Variants in PFKFB2 observed in about 807,000 individuals in gnomAD.
PFKFB2 encodes the protein 6-phosphofructo-2-kinase/fructose-2,6-bisphosphatase 2.
PFKFB2 carries 53 observed loss-of-function variants against 68.0 expected under a neutral mutation model. That is an observed-to-expected ratio of 0.78 (90% CI 0.63 to 0.98). The LOEUF is 0.98. Among genes scored for constraint, PFKFB2 ranks in the 50% least tolerant of loss-of-function variants. The pLI, the probability that PFKFB2 is intolerant of heterozygous loss-of-function variation, is 0.00. For missense variants in PFKFB2, 451 were observed against 642.0 expected, an observed-to-expected ratio of 0.70 and a Z score of 3.22; for synonymous variants, 222 against 227.6, an observed-to-expected ratio of 0.98 and a Z score of 0.22.
At chr1:207,039,523 A>G (rs577100966) in intron 1 of PFKFB2, among the ~76,000 whole-genome samples, 2 of 152,338 alleles carry the variant, frequency 1.3e-5, no homozygotes, top group South Asian at 4.1e-4. Context: ...GACTTTTCCT[A>G]TTGGACAGTT....
Position 207,063,670 on chromosome 1 carries a change from A to G in PFKFB2, c.451-103A>G. ...CTTGAGGGCCACTTTCATGAAGAAA[A>G]TCCTGGGAGATGTGGTGGCTGGGTG... On this transcript the variant is annotated intron_variant, in intron 6 of 14. Coordinates refer to ENST00000367080, the MANE Select transcript of PFKFB2 (RefSeq NM_006212.2). This position sits in a 1 kb window ranked among gnomAD's most constrained non-coding sequence, Gnocchi z 4.1. 5 of 990,228 alleles carry G rather than the reference A, an allele frequency of 5.0e-6. No individual in the cohort carries two copies. Among genetic ancestry groups the G allele is most frequent in the Non-Finnish European group, 8.1e-6 (5 of 615,084 alleles). The allele number at this position is 990,228 out of a possible 1,614,324, so 61.3% of individuals were successfully genotyped here. A position where few individuals can be genotyped will look rare whatever the true frequency, so the allele number is the denominator to read the frequency against.
chr1:207,052,660 A>C (rs1407721140), upstream of PFKFB2, among the ~76,000 whole-genome samples: 1 of 152,206 alleles, frequency 6.6e-6, no homozygotes, highest in Admixed American at 6.5e-5. Flanking sequence ...CTCAAAAAAC[A>C]AAAACCAAAC....
In PFKFB2 at chr1:207,073,771, T is replaced by C; in HGVS notation, c.*1400T>C. On this transcript the variant is annotated 3_prime_UTR_variant, in exon 15 of 15. Coordinates refer to ENST00000367080, the MANE Select transcript of PFKFB2 (RefSeq NM_006212.2). ...TTTAGGGAAGAAATTCTTAGCCCCT[T>C]GATGACCATGATGGCTTATTCTCTT... The C allele has an allele frequency of 5.1e-6, 5 of 984,714 alleles. No individual in the cohort carries two copies. The highest frequency in any genetic ancestry group is 6.0e-6 in the Non-Finnish European group (5 of 829,284). The allele number at this position is 984,714 out of a possible 1,614,324, so 61.0% of individuals were successfully genotyped here.
In PFKFB2 at chr1:207,043,604, T is replaced by C. The variant is rs531948253; in HGVS notation, c.-18+1392T>C. On this transcript the variant is annotated intron_variant, in intron 2 of 5. Transcript: ENST00000545806. ...ACTGACAACTTGTCAGCAACAAATA[T>C]TGAATTACAACTTGTAGGATTGGAT... Among the ~76,000 whole-genome samples, 4 of 152,280 alleles carry C rather than the reference T, an allele frequency of 2.6e-5. No individual in the cohort carries two copies. In the East Asian group the frequency reaches 5.8e-4, roughly 22 times the overall value.
downstream of PFKFB2, chr1:207,079,336 T>G: frequency 2.5e-6 from 1 of 401,356 alleles, no homozygotes; most frequent in Non-Finnish European, 4.6e-6. Flanking sequence ...ATCCTACCTG[T>G]GACTGTCTGC....
chr1:207,062,914 G>T (rs1019601432), intron 4 of PFKFB2, among the ~76,000 whole-genome samples, 198 bp downstream of exon 4: 1 of 152,222 alleles, frequency 6.6e-6, no homozygotes, highest in Non-Finnish European at 1.5e-5. Flanking sequence ...GTGCTTGTAG[G>T]AGAAGTCTAA....
At chr1:207,064,989 T>TA in intron 7 of PFKFB2, 47 bp from the exon 8 acceptor site, 1 of 1,598,830 alleles carries the variant, frequency 6.3e-7, no homozygotes, top group Non-Finnish European at 8.5e-7. Context: ...GGAGGACTGT[T>TA]ACGGGCAGAC....
intron 2 of PFKFB2, among the ~76,000 whole-genome samples, chr1:207,061,614 C>T (rs2842751): frequency 0.076 from 11,587 of 152,116 alleles, 1,465 homozygotes; most frequent in African/African-American, 0.26. Flanking sequence ...CGGGGCTGGG[C>T]GCCTCACGCC....
intron 8 of PFKFB2, among the ~76,000 whole-genome samples, chr1:207,066,820 A>AT (rs1348232624): frequency 6.6e-6 from 1 of 151,896 alleles, no homozygotes; most frequent in African/African-American, 2.4e-5. Flanking sequence ...CGCCCGGCTA[A>AT]TTTTTTTATT....
chr1:207,043,197 T>A (rs547835481), intron 2 of PFKFB2, among the ~76,000 whole-genome samples: 241 of 152,324 alleles, frequency 1.6e-3, no homozygotes, highest in African/African-American at 5.6e-3. Flanking sequence ...AATCATTCAA[T>A]AAGCTTCCAT....
At chr1:207,040,960 G>A (rs567131189) in intron 1 of PFKFB2, among the ~76,000 whole-genome samples, 6 of 127,100 alleles carry the variant, frequency 4.7e-5, no homozygotes, top group Middle Eastern at 6.1e-3. Context: ...CAAGAGTCTC[G>A]CTCTGTCGCC....
chr1:207,074,331 G>C lies in PFKFB2; in HGVS notation c.*1960G>C, dbSNP rs537063959. ...AATGATATAACCCCCTGGAAGGCAG[G>C]CTGCTGTGTTTTAGAGGGTTATTCT... On this transcript the variant is annotated 3_prime_UTR_variant, in exon 15 of 15. Transcript: ENST00000367080. 9.1e-6 allele frequency: 9 copies of C among 985,388 alleles called. No homozygotes were observed. In the South Asian group the frequency reaches 2.8e-4, roughly 31 times the overall value. 61.0% of individuals were successfully genotyped at this position (985,388 alleles called of 1,614,324 possible).
At position 207,075,527 on chromosome 1, in the gene PFKFB2, T is replaced by C; in HGVS notation, c.*3156T>C. The C allele has an allele frequency of 1.0e-6, 1 of 985,006 alleles. No homozygotes were observed. The highest frequency in any genetic ancestry group is 1.7e-5 in the African/African-American group (1 of 57,368). 61.0% of individuals were successfully genotyped at this position (985,006 alleles called of 1,614,324 possible). The stretch of plus-strand genomic sequence containing the variant: ...TAATCTGTATACATTACTATGACTG[T>C]GTCTATCACAAGTCCTACAAAATAA... On this transcript the variant is annotated 3_prime_UTR_variant, in exon 15 of 15. Coordinates refer to ENST00000367080, the MANE Select transcript of PFKFB2 (RefSeq NM_006212.2).
intron 1 of PFKFB2, among the ~76,000 whole-genome samples, chr1:207,038,271 A>C (rs576766532): frequency 5.3e-5 from 8 of 152,246 alleles, no homozygotes; most frequent in Non-Finnish European, 1.2e-4. Flanking sequence ...GAATACAGCA[A>C]TAACAAAAGT....
chr1:207,073,144 C>T lies in PFKFB2; in HGVS notation c.*773C>T. ...TTGCCTCCTTTCATGAGAAACAGTT[C>T]TAAGTCTTCGATGCCCTGGGAGAAT... is the stretch of plus-strand genomic sequence containing the variant. On this transcript the variant is annotated 3_prime_UTR_variant, in exon 15 of 15. Coordinates refer to ENST00000367080, the MANE Select transcript of PFKFB2 (RefSeq NM_006212.2). 1.0e-6 allele frequency: 1 copy of T among 985,520 alleles called. No individual in the cohort carries two copies. Among genetic ancestry groups the T allele is most frequent in the Non-Finnish European group, 1.2e-6 (1 of 830,012 alleles). 61.0% of individuals were successfully genotyped at this position (985,520 alleles called of 1,614,324 possible). A position where few individuals can be genotyped will look rare whatever the true frequency, so the allele number is the denominator to read the frequency against.
At chr1:207,055,011 C>T (rs904051723) in intron 2 of PFKFB2, 1 of 501,026 alleles carries the variant, frequency 2.0e-6, no homozygotes, top group Non-Finnish European at 3.6e-6. Context: ...CTGGTGTAGT[C>T]CAGCAGTTTC....
chr1:207,074,275 G>A lies in PFKFB2; in HGVS notation c.*1904G>A. 1.0e-6 allele frequency: 1 copy of A among 985,384 alleles called. No individual in the cohort carries two copies. The highest frequency in any genetic ancestry group is 4.7e-5 in the South Asian group (1 of 21,286). 61.0% of individuals were successfully genotyped at this position (985,384 alleles called of 1,614,324 possible). A position where few individuals can be genotyped will look rare whatever the true frequency, so the allele number is the denominator to read the frequency against. On this transcript the variant is annotated 3_prime_UTR_variant, in exon 15 of 15. Coordinates refer to ENST00000367080, the MANE Select transcript of PFKFB2 (RefSeq NM_006212.2). ...CATAGTCCTGAAAGGACAGTTCTTT[G>A]GGTTTGATGTTTGAGCAGATCATAA... is the stretch of plus-strand genomic sequence containing the variant.
At chr1:207,052,084 T>A, upstream of PFKFB2, 2 of 959,988 alleles carry the variant, frequency 2.1e-6, no homozygotes, top group Middle Eastern at 2.2e-4. Flanking sequence ...CCAGCCGGGA[T>A]TCAGACAGCA....
chr1:207,076,461 C>A lies in PFKFB2; in HGVS notation c.*4090C>A. The A allele has an allele frequency of 2.0e-6, 2 of 985,306 alleles. No individual in the cohort carries two copies. Among genetic ancestry groups the A allele is most frequent in the African/African-American group, 3.5e-5 (2 of 57,326 alleles). The allele number at this position is 985,306 out of a possible 1,614,324, so 61.0% of individuals were successfully genotyped here. On this transcript the variant is annotated 3_prime_UTR_variant, in exon 15 of 15. Coordinates refer to ENST00000367080, the MANE Select transcript of PFKFB2 (RefSeq NM_006212.2). ...AATTTGATAGATTTACCCAGCTTTTCTATGTATTTTGACTTATTGAAAATA... is the reference window on the plus strand; with the variant it reads ...AATTTGATAGATTTACCCAGCTTTTATATGTATTTTGACTTATTGAAAATA...
Sources: gnomAD v4.1 joint callset for allele counts (sites outside exome capture counted in the v4.1 genomes callset) on GRCh38, gnomAD v4.1.1 for gene constraint, Gnocchi (gnomAD v3.1) non-coding constraint, MANE v1.5 for transcripts, NCBI Gene and HGNC (gene_info 2026-07-23, HGNC 2026-07-21) for gene names.